SNX6: variants seen among roughly 807,000 people sequenced by gnomAD.
SNX6 encodes the protein sorting nexin-6.
Under a neutral mutation model 63.0 loss-of-function variants are expected in SNX6, and 34 were observed. The observed-to-expected ratio is 0.54, with a 90% CI of 0.41 to 0.72. SNX6 has a LOEUF of 0.72. Ranked by LOEUF, SNX6 falls within the 30% of genes least tolerant of loss-of-function variation. The pLI is 0.00. For missense variants in SNX6, 398 were observed against 471.4 expected (o/e 0.84, Z 1.44); for synonymous variants, 170 against 164.2 (o/e 1.04, Z -0.27).
intron 2 of SNX6, among the ~76,000 whole-genome samples, chr14:34,624,120 G>T (rs200830864): frequency 1.4e-5 from 2 of 139,362 alleles, no homozygotes; most frequent in East Asian, 2.3e-4. Context: ...CTTTTTTTTT[G>T]AGACAGTTTC....
At chr14:34,614,030 C>G (rs1883329785) in intron 2 of SNX6, among the ~76,000 whole-genome samples, 1 of 151,942 alleles carries the variant, frequency 6.6e-6, no homozygotes, top group African/African-American at 2.4e-5. Context: ...CTGCTTGAAC[C>G]TGGGAGGCGG....
At chr14:34,587,350 G>T (rs1327624421) in intron 8 of SNX6, among the ~76,000 whole-genome samples, 1 of 151,608 alleles carries the variant, frequency 6.6e-6, no homozygotes, top group African/African-American at 2.4e-5. Context: ...GGCTAACACG[G>T]TGAAACCCCA....
intron 8 of SNX6, among the ~76,000 whole-genome samples, chr14:34,587,391 AGT>A (rs1304926545): frequency 6.6e-6 from 1 of 151,410 alleles, no homozygotes; most frequent in Non-Finnish European, 1.5e-5. Context: ...GAATTAGCCG[AGT>A]GTGGTGGCAG....
chr14:34,619,161 T>G (rs530217431), intron 2 of SNX6, among the ~76,000 whole-genome samples: 3 of 152,184 alleles, frequency 2.0e-5, no homozygotes, highest in East Asian at 1.9e-4. Context: ...CAGTGGCTTA[T>G]GCCTGTAATC....
intron 9 of SNX6, among the ~76,000 whole-genome samples, chr14:34,583,695 A>G (rs1882036798): frequency 6.6e-6 from 1 of 152,132 alleles, no homozygotes; most frequent in Non-Finnish European, 1.5e-5. Flanking sequence ...ATCATAAATG[A>G]ATTAGGGCAA....
chr14:34,587,936 A>C (rs1882242873), intron 8 of SNX6, among the ~76,000 whole-genome samples: 1 of 150,286 alleles, frequency 6.7e-6, no homozygotes, highest in Non-Finnish European at 1.5e-5. Context: ...TCAGCCTCTC[A>C]AGTAGCTGGG....
chr14:34,575,865 ATATT>A (rs774044155), intron 10 of SNX6, 23 bp from the exon 11 acceptor site: 2 of 1,377,762 alleles, frequency 1.5e-6, no homozygotes, highest in East Asian at 2.4e-5. Context: ...AAAAAATTGA[ATATT>A]TAATCAACAA....
intron 5 of SNX6, chr14:34,604,194 G>A: frequency 7.8e-7 from 1 of 1,288,830 alleles, no homozygotes; most frequent in Non-Finnish European, 1.0e-6. Flanking sequence ...TAGTCATTCA[G>A]TGAAGACAAA....
chr14:34,611,080 C>T (rs1883208976), intron 2 of SNX6, among the ~76,000 whole-genome samples: 1 of 152,098 alleles, frequency 6.6e-6, no homozygotes, highest in Non-Finnish European at 1.5e-5. Flanking sequence ...ACAACCTCTG[C>T]CTCCCAGGTT....
intron 10 of SNX6, among the ~76,000 whole-genome samples, 159 bp from the exon 11 acceptor site, chr14:34,576,001 G>A (rs1372746822): frequency 6.6e-6 from 1 of 150,538 alleles, no homozygotes; most frequent in Non-Finnish European, 1.5e-5. Context: ...TTGGCTCACT[G>A]CAAGCTCCGC....
At position 34,563,010 on chromosome 14, in the gene SNX6, T is replaced by G; in HGVS notation, c.*112A>C. ...AGAAAAAGAGGAGTTGATGCACTTT[T>G]TCAGCTGCTTTTTGTTTGTTTCCAG... On this transcript the variant is annotated 3_prime_UTR_variant, in exon 14 of 14. Coordinates refer to ENST00000362031, the MANE Select transcript of SNX6 (RefSeq NM_152233.4). 1 of 1,103,022 alleles carries G rather than the reference T, an allele frequency of 9.1e-7. No individual in the cohort carries two copies. The highest frequency in any genetic ancestry group is 1.3e-6 in the Non-Finnish European group (1 of 741,256). The allele number at this position is 1,103,022 out of a possible 1,614,324, so 68.3% of individuals were successfully genotyped here. A position where few individuals can be genotyped will look rare whatever the true frequency, so the allele number is the denominator to read the frequency against.
intron 8 of SNX6, among the ~76,000 whole-genome samples, chr14:34,587,480 C>A (rs1023220363): frequency 8.0e-6 from 1 of 124,248 alleles, no homozygotes; most frequent in Admixed American, 1.1e-4. Flanking sequence ...TTGCAGTGAG[C>A]CAAGATCGTG....
intron 10 of SNX6, among the ~76,000 whole-genome samples, chr14:34,581,343 A>G (rs1881925584): frequency 6.6e-6 from 1 of 152,154 alleles, no homozygotes; most frequent in Non-Finnish European, 1.5e-5. Context: ...TAGTAGAGAC[A>G]GGGTTTCACT....
intron 8 of SNX6, 145 bp from the exon 9 acceptor site, chr14:34,586,450 T>A: frequency 1.2e-5 from 4 of 331,914 alleles, no homozygotes; most frequent in Non-Finnish European, 2.3e-5. Context: ...CTCATGCCTG[T>A]AATCCCAACA....
At chr14:34,611,820 C>T (rs565236175) in intron 2 of SNX6, among the ~76,000 whole-genome samples, 10 of 151,942 alleles carry the variant, frequency 6.6e-5, no homozygotes, top group African/African-American at 2.4e-4. Context: ...GCTCTGTCAC[C>T]CAGACTGGAG....
At chr14:34,575,165 T>G (rs550865252) in intron 11 of SNX6, among the ~76,000 whole-genome samples, 2 of 147,930 alleles carry the variant, frequency 1.4e-5, no homozygotes, top group South Asian at 4.3e-4. Flanking sequence ...TGCTGATTAA[T>G]TAGAGGCATG....
rs1380901666 is a variant in SNX6, at chr14:34,562,372, T to C, written c.*750A>G. On this transcript the variant is annotated 3_prime_UTR_variant, in exon 14 of 14. Coordinates refer to ENST00000362031, the MANE Select transcript of SNX6 (RefSeq NM_152233.4). ...GTTCGAGATGCCATTTCAAAAGAAA[T>C]GAGAAAAAAGAAAAACTAAGACCTG... 1 of 152,346 alleles carries C rather than the reference T, an allele frequency of 6.6e-6. No homozygotes were observed. Among genetic ancestry groups the C allele is most frequent in the Non-Finnish European group, 1.5e-5 (1 of 68,034 alleles). 9.4% of individuals were successfully genotyped at this position (152,346 alleles called of 1,614,324 possible).
chr14:34,618,711 C>T (rs952690638), intron 2 of SNX6, among the ~76,000 whole-genome samples: 3 of 152,026 alleles, frequency 2.0e-5, no homozygotes, highest in Non-Finnish European at 4.4e-5. Flanking sequence ...CGCTGGTTCC[C>T]TCTGCCTGGA....
At chr14:34,613,523 TG>T (rs1883307763) in intron 2 of SNX6, among the ~76,000 whole-genome samples, 1 of 152,270 alleles carries the variant, frequency 6.6e-6, no homozygotes, top group South Asian at 2.1e-4. Context: ...CTGGGCATGG[TG>T]GTTTACGCCT....
Sources: gnomAD v4.1 joint callset for allele counts (sites outside exome capture counted in the v4.1 genomes callset) on GRCh38, gnomAD v4.1.1 for gene constraint, MANE v1.5 for transcripts, NCBI Gene and HGNC (gene_info 2026-07-23, HGNC 2026-07-21) for gene names.